Variants in ATF7 observed in about 807,000 individuals in gnomAD.
ATF7 encodes activating transcription factor 7.
Under a neutral mutation model 50.4 loss-of-function variants are expected in ATF7, and 10 were observed. The ratio of observed to expected loss-of-function variants is 0.20; its 90% confidence interval spans 0.12 to 0.34. The LOEUF (loss-of-function observed/expected upper bound fraction) is 0.34, where lower values mean the gene tolerates loss of function less well. Among genes scored for constraint, ATF7 ranks in the 10% least tolerant of loss-of-function variants. The pLI is 1.00. For missense variants in ATF7, 465 were observed against 613.9 expected, an observed-to-expected ratio of 0.76 and a Z score of 2.56; for synonymous variants, 201 against 226.4, an observed-to-expected ratio of 0.89 and a Z score of 1.01.
At chr12:53,605,015 CT>C (rs916367970) in intron 1 of ATF7, among the ~76,000 whole-genome samples, 2 of 152,078 alleles carry the variant, frequency 1.3e-5, no homozygotes, top group African/African-American at 4.8e-5. Flanking sequence ...CATTTAGACG[CT>C]ATGTATATGG....
At chr12:53,614,432 G>A (rs9651983) in intron 1 of ATF7, among the ~76,000 whole-genome samples, 27,580 of 151,980 alleles carry the variant, frequency 0.18, 3,055 homozygotes, top group East Asian at 0.55. Flanking sequence ...AAAACAATAA[G>A]CCAAAAGTAA....
At position 53,534,439 on chromosome 12, in the gene ATF7, A is replaced by C. The variant is rs370827864; in HGVS notation, c.560+63T>G. The C allele has an allele frequency of 1.7e-5, 27 of 1,598,966 alleles. No homozygotes were observed. In the African/African-American group the frequency reaches 2.7e-4, roughly 16 times the overall value. ...TTGGAAAACAGTCCCAGTTTTATCA[A>C]ATAGTTTCATGTAATGGAAAGAAAT... is the stretch of plus-strand genomic sequence containing the variant. On this transcript the variant is annotated intron_variant, in intron 6 of 11. Transcript: ENST00000420353.
intron 6 of ATF7, 137 bp downstream of exon 6, chr12:53,534,365 G>T: frequency 7.6e-7 from 1 of 1,309,490 alleles, no homozygotes; most frequent in Non-Finnish European, 1.1e-6. Context: ...GTTTATGGGG[G>T]AAAAATTTAT....
chr12:53,565,935 T>A (rs1426170275), intron 2 of ATF7, among the ~76,000 whole-genome samples: 1 of 152,182 alleles, frequency 6.6e-6, no homozygotes, highest in Non-Finnish European at 1.5e-5. Flanking sequence ...CAGTTCCACA[T>A]GGCTGGGGAG....
At chr12:53,617,661 A>AG (rs1944199620) in intron 1 of ATF7, among the ~76,000 whole-genome samples, 1 of 152,126 alleles carries the variant, frequency 6.6e-6, no homozygotes, top group Non-Finnish European at 1.5e-5. Context: ...AATAAAAAAA[A>AG]GACTACTATA....
intron 1 of ATF7, among the ~76,000 whole-genome samples, chr12:53,606,389 C>T (rs1463795158): frequency 6.6e-6 from 1 of 151,992 alleles, no homozygotes; most frequent in Non-Finnish European, 1.5e-5. Flanking sequence ...GCTGAGATTA[C>T]AGGCATGTGC....
chr12:53,601,894 G>A (rs1943423560), intron 1 of ATF7, among the ~76,000 whole-genome samples: 1 of 152,116 alleles, frequency 6.6e-6, no homozygotes, highest in South Asian at 2.1e-4. Flanking sequence ...GACTTTAACA[G>A]GGTTTATACC....
intron 11 of ATF7, among the ~76,000 whole-genome samples, chr12:53,519,889 G>C (rs1163112969): frequency 6.6e-6 from 1 of 152,012 alleles, no homozygotes; most frequent in Non-Finnish European, 1.5e-5. Context: ...TGGGACTACA[G>C]ATGCACGCCA....
intron 1 of ATF7, among the ~76,000 whole-genome samples, chr12:53,601,767 T>G (rs945868188): frequency 3.9e-5 from 6 of 152,176 alleles, no homozygotes; most frequent in African/African-American, 1.2e-4. Context: ...CTGTTTGTGC[T>G]GCTTTCGGCC....
intron 5 of ATF7, among the ~76,000 whole-genome samples, chr12:53,535,221 G>A (rs1939144353): frequency 6.6e-6 from 1 of 151,718 alleles, no homozygotes; most frequent in Non-Finnish European, 1.5e-5. Context: ...CAGACAGTCT[G>A]TAGGACTTTG....
Position 53,524,546 on chromosome 12 carries a change from C to T in ATF7, c.1125+18G>A. The T allele has an allele frequency of 6.2e-7, 1 of 1,612,040 alleles. No homozygotes were observed. Among genetic ancestry groups the T allele is most frequent in the East Asian group, 2.2e-5 (1 of 44,880 alleles). The stretch of plus-strand genomic sequence containing the variant: ...CTGGATTTTCAACAATTCCAATAAG[C>T]ATCCAGGACCCACTCACACTCAGCT... On this transcript the variant is annotated intron_variant, in intron 10 of 11. Transcript: ENST00000420353. The surrounding 1 kb of genome is among the most constrained non-coding windows in gnomAD (Gnocchi z 4.6).
At chr12:53,611,960 T>C (rs1158671100) in intron 1 of ATF7, among the ~76,000 whole-genome samples, 4 of 152,068 alleles carry the variant, frequency 2.6e-5, no homozygotes, top group East Asian at 1.9e-4. Context: ...GTGAAAATTA[T>C]AGGAAAACAG....
chr12:53,606,819 T>C (rs1356030807), intron 1 of ATF7, among the ~76,000 whole-genome samples: 1 of 149,786 alleles, frequency 6.7e-6, no homozygotes, highest in East Asian at 2.0e-4. Context: ...CGGTGTTTGG[T>C]TTTTTGTCTT....
At chr12:53,559,496 C>T (rs376137208) in intron 2 of ATF7, among the ~76,000 whole-genome samples, 1 of 151,860 alleles carries the variant, frequency 6.6e-6, no homozygotes, top group Non-Finnish European at 1.5e-5. Flanking sequence ...CTGGCCAACA[C>T]GGTGAAACCC....
At chr12:53,552,465 C>T in intron 3 of ATF7, 76 bp downstream of exon 3, 1 of 1,133,904 alleles carries the variant, frequency 8.8e-7, no homozygotes, top group Non-Finnish European at 1.3e-6. Context: ...GTACAGCTCC[C>T]AGTACATCTG....
At chr12:53,624,136 G>C (rs567663173) in intron 1 of ATF7, among the ~76,000 whole-genome samples, 8 of 152,286 alleles carry the variant, frequency 5.3e-5, no homozygotes, top group African/African-American at 1.9e-4. Context: ...CTCTCACTGG[G>C]TAATTTTCTG....
chr12:53,622,200 G>A lies in ATF7; in HGVS notation c.-22+4079C>T, dbSNP rs1944407760. On this transcript the variant is annotated intron_variant, in intron 1 of 11. Coordinates refer to ENST00000420353, the MANE Select transcript of ATF7 (RefSeq NM_006856.3). ...ACCTGTACTCCCAGCTACTCAGGAG[G>A]CTAAGGGACAAGAATCGCTTGAAAC... Among the ~76,000 whole-genome samples the A allele has an allele frequency of 2.0e-5, 3 of 152,148 alleles. No individual in the cohort carries two copies. In the South Asian group the frequency reaches 6.2e-4, roughly 32 times the overall value.
At chr12:53,608,861 G>A (rs1017981257) in intron 1 of ATF7, among the ~76,000 whole-genome samples, 1 of 152,124 alleles carries the variant, frequency 6.6e-6, no homozygotes, top group African/African-American at 2.4e-5. Flanking sequence ...GATACTCAGT[G>A]CTGCTCTGAT....
intron 2 of ATF7, among the ~76,000 whole-genome samples, chr12:53,565,862 G>A (rs1033182711): frequency 3.3e-5 from 5 of 151,950 alleles, no homozygotes; most frequent in East Asian, 1.9e-4. Flanking sequence ...CTGTTCTCTC[G>A]CTGCTAATAA....
Sources: gnomAD v4.1 joint callset for allele counts (sites outside exome capture counted in the v4.1 genomes callset) on GRCh38, gnomAD v4.1.1 for gene constraint, Gnocchi (gnomAD v3.1) non-coding constraint, MANE v1.5 for transcripts, NCBI Gene and HGNC (gene_info 2026-07-23, HGNC 2026-07-21) for gene names.